Variants in DCAF13 observed in about 807,000 individuals in gnomAD.
The protein encoded by DCAF13 is DDB1 and CUL4 associated factor 13, also known as DDB1- and CUL4-associated factor 13.
A neutral mutation model predicts 59.0 loss-of-function variants in DCAF13; 38 were observed. The observed-to-expected ratio is 0.64, with a 90% CI of 0.50 to 0.84. DCAF13 has a LOEUF of 0.84. DCAF13 is among the 40% of genes least tolerant of loss of function. DCAF13 has a pLI of 0.00. For synonymous variants in DCAF13, 173 were observed against 175.0 expected (o/e 0.99, Z 0.09); for missense variants, 469 against 558.4 (o/e 0.84, Z 1.61).
Position 103,415,697 on chromosome 8 carries a change from A to G in DCAF13, c.70+181A>G, listed in dbSNP as rs181088314. ...GCGGAACTGGATGGATAGCAAGTAA[A>G]GTCTGTTCAAGTCCTTTTTCTAAGA... On this transcript the variant is annotated intron_variant, in intron 1 of 10. Coordinates refer to ENST00000612750, the MANE Select transcript of DCAF13 (RefSeq NM_015420.7). Among the ~76,000 whole-genome samples, 9 of 152,338 alleles carry G rather than the reference A, an allele frequency of 5.9e-5. No homozygotes were observed. In the East Asian group the frequency reaches 1.7e-3, roughly 29 times the overall value.
intron 6 of DCAF13, among the ~76,000 whole-genome samples, chr8:103,432,345 CATTA>C (rs1433874886): frequency 6.6e-6 from 1 of 152,126 alleles, no homozygotes; most frequent in East Asian, 1.9e-4. Flanking sequence ...CTAAGCTCAC[CATTA>C]ATTTTGCCCC....
At chr8:103,423,953 C>T (rs933860493) in intron 3 of DCAF13, among the ~76,000 whole-genome samples, 3 of 152,100 alleles carry the variant, frequency 2.0e-5, no homozygotes, top group African/African-American at 7.2e-5. Context: ...GTCTCAGCCT[C>T]CCAAAAAGTG....
chr8:103,418,491 T>G (rs1816659357), intron 1 of DCAF13, among the ~76,000 whole-genome samples: 1 of 151,974 alleles, frequency 6.6e-6, no homozygotes, highest in Admixed American at 6.6e-5. Context: ...TATAGTCATA[T>G]CACTGCATTC....
At chr8:103,423,936 C>T (rs955040308) in intron 3 of DCAF13, among the ~76,000 whole-genome samples, 1 of 151,486 alleles carries the variant, frequency 6.6e-6, no homozygotes, top group Non-Finnish European at 1.5e-5. Context: ...CTCCTGGGCT[C>T]AAGCCTGTCT....
chr8:103,427,323 G>A (rs969468406), intron 5 of DCAF13, 71 bp downstream of exon 5: 3 of 1,356,816 alleles, frequency 2.2e-6, no homozygotes, highest in Non-Finnish European at 3.1e-6. Flanking sequence ...GAAAACTTTT[G>A]AATGTATGAT....
At position 103,442,782 on chromosome 8, in the gene DCAF13, A is replaced by T; in HGVS notation, c.1251-13A>T. The stretch of plus-strand genomic sequence containing the variant: ...CCCATAACTTGCTTATATTTTGTAT[A>T]TTTTATTTCTAGGGAAGTGAATCGT... On this transcript the variant is annotated splice_polypyrimidine_tract_variant and intron_variant, in intron 10 of 10. Transcript: ENST00000612750. 1 of 1,550,200 alleles carries T rather than the reference A, an allele frequency of 6.5e-7. No homozygotes were observed. The highest frequency in any genetic ancestry group is 8.7e-7 in the Non-Finnish European group (1 of 1,149,498).
intron 1 of DCAF13, among the ~76,000 whole-genome samples, chr8:103,417,627 G>A (rs1586124001): frequency 7.0e-6 from 1 of 143,810 alleles, no homozygotes; most frequent in Admixed American, 6.9e-5. Context: ...GGGTGACAGA[G>A]GGAGACTCCG....
chr8:103,433,587 G>A (rs1455817125), intron 7 of DCAF13, among the ~76,000 whole-genome samples: 1 of 152,012 alleles, frequency 6.6e-6, no homozygotes, highest in African/African-American at 2.4e-5. Context: ...CAAAAAAGTA[G>A]TAGTGTTAGC....
At chr8:103,420,229 G>A (rs1435093380) in intron 1 of DCAF13, 35 bp from the exon 2 acceptor site, 6 of 1,581,186 alleles carry the variant, frequency 3.8e-6, no homozygotes, top group Non-Finnish European at 5.2e-6. Context: ...GAAATATTAA[G>A]TGTGAATTAT....
chr8:103,436,974 T>G (rs1816942938), intron 8 of DCAF13, among the ~76,000 whole-genome samples: 1 of 152,212 alleles, frequency 6.6e-6, no homozygotes, highest in Non-Finnish European at 1.5e-5. Flanking sequence ...TTCTACACCA[T>G]GTATCGTCAT....
At chr8:103,416,086 A>T (rs1353784197) in intron 1 of DCAF13, among the ~76,000 whole-genome samples, 1 of 152,234 alleles carries the variant, frequency 6.6e-6, no homozygotes, top group Non-Finnish European at 1.5e-5. Flanking sequence ...TGTGATACCT[A>T]AATGACAAGG....
intron 3 of DCAF13, among the ~76,000 whole-genome samples, chr8:103,424,737 GAC>G (rs917576421): frequency 3.9e-5 from 6 of 152,260 alleles, no homozygotes; most frequent in African/African-American, 1.4e-4. Context: ...GGTGCTCAGG[GAC>G]ACAGTTTATC....
chr8:103,417,375 C>T (rs780526815), intron 1 of DCAF13, among the ~76,000 whole-genome samples: 20 of 152,028 alleles, frequency 1.3e-4, no homozygotes, highest in Non-Finnish European at 2.6e-4. Context: ...GGCGTGGTGG[C>T]TTATGCCTGT....
Position 103,442,891 on chromosome 8 carries a change from C to G in DCAF13, c.*9C>G. ...TGGCAGTTGTAAAATAATTGGTATT[C>G]CTAACAATCCTGATGTATAATTATT... On this transcript the variant is annotated 3_prime_UTR_variant, in exon 11 of 11. Transcript: ENST00000612750. 1 of 1,548,594 alleles carries G rather than the reference C, an allele frequency of 6.5e-7. No individual in the cohort carries two copies. The highest frequency in any genetic ancestry group is 8.8e-7 in the Non-Finnish European group (1 of 1,133,324).
chr8:103,435,996 A>G (rs1288065248), intron 8 of DCAF13, among the ~76,000 whole-genome samples: 1 of 152,226 alleles, frequency 6.6e-6, no homozygotes, highest in Non-Finnish European at 1.5e-5. Context: ...GAATCTGTTC[A>G]GCATGTTACT....
chr8:103,430,756 C>CT, intron 6 of DCAF13, 67 bp downstream of exon 6: 1 of 1,127,172 alleles, frequency 8.9e-7, no homozygotes, highest in Non-Finnish European at 1.3e-6. Flanking sequence ...AATAGAGTGA[C>CT]TAACAATATG....
intron 8 of DCAF13, chr8:103,439,554 AACTT>A (rs1436154252): frequency 6.6e-6 from 1 of 152,000 alleles, no homozygotes; most frequent in Non-Finnish European, 1.5e-5. Flanking sequence ...ACGCCCAACT[AACTT>A]TTGTAATTTT....
At chr8:103,429,357 T>C (rs571973728) in intron 5 of DCAF13, 2 of 152,312 alleles carry the variant, frequency 1.3e-5, no homozygotes, top group East Asian at 3.9e-4. Flanking sequence ...AGCTTTATGA[T>C]GTGTTATTTG....
At chr8:103,428,396 C>T (rs1052935055) in intron 5 of DCAF13, 2 of 152,254 alleles carry the variant, frequency 1.3e-5, no homozygotes, top group African/African-American at 4.8e-5. Flanking sequence ...TCTGTAGCTG[C>T]TTTCGTGCTA....
Sources: gnomAD v4.1 joint callset for allele counts (sites outside exome capture counted in the v4.1 genomes callset) on GRCh38, gnomAD v4.1.1 for gene constraint, MANE v1.5 for transcripts, NCBI Gene and HGNC (gene_info 2026-07-23, HGNC 2026-07-21) for gene names.